The following SLC44A5 variants were observed in gnomAD, a reference collection of about 807,000 sequenced individuals.
SLC44A5 encodes choline transporter-like protein 5.
A neutral mutation model predicts 101.8 loss-of-function variants in SLC44A5; 57 were observed. The ratio of observed to expected loss-of-function variants is 0.56; its 90% confidence interval spans 0.45 to 0.70. SLC44A5 has a LOEUF of 0.70. Among genes scored for constraint, SLC44A5 ranks in the 30% least tolerant of loss-of-function variants. SLC44A5 has a pLI of 0.00. For missense variants in SLC44A5, 737 were observed against 853.1 expected (o/e 0.86, Z 1.70); for synonymous variants, 281 against 290.9 (o/e 0.97, Z 0.35).
chr1:75,476,443 C>T (rs568126828), intron 2 of SLC44A5, among the ~76,000 whole-genome samples: 6 of 152,300 alleles, frequency 3.9e-5, no homozygotes, highest in African/African-American at 1.4e-4. Context: ...CGAAGCAGGG[C>T]GAGGCATTGC....
rs74091155 is a variant in SLC44A5, at chr1:75,400,697, T to C, written c.14-4076A>G. Among the ~76,000 whole-genome samples, 1,506 of 152,286 alleles carry C rather than the reference T, an allele frequency of 9.9e-3. 28 individuals are homozygous for C. Among genetic ancestry groups the C allele is most frequent in the African/African-American group, 0.034 (1,415 of 41,558 alleles). On this transcript the variant is annotated intron_variant, in intron 2 of 23. Coordinates refer to ENST00000370859, the MANE Select transcript of SLC44A5 (RefSeq NM_001130058.2). ...TGCTTTGCCCAGGGCTCCATTCCCCTTTCCTGAGCCCACCTGCTTGGCTTT... is the reference window on the plus strand; with the variant it reads ...TGCTTTGCCCAGGGCTCCATTCCCCCTTCCTGAGCCCACCTGCTTGGCTTT...
the SLC44A5 span, among the ~76,000 whole-genome samples, chr1:75,653,736 A>T: frequency 1.3e-5 from 2 of 152,210 alleles, no homozygotes; most frequent in Non-Finnish European, 2.9e-5. Context: ...AGAGAAAAAG[A>T]TATTGGTTAT....
chr1:75,699,802 T>G, the SLC44A5 span, among the ~76,000 whole-genome samples: 1 of 151,938 alleles, frequency 6.6e-6, no homozygotes, highest in South Asian at 2.1e-4. Flanking sequence ...AATAAAGAGA[T>G]GGAGGAAGAT....
At chr1:75,254,057 A>G (rs1323217651) in intron 6 of SLC44A5, among the ~76,000 whole-genome samples, 3 of 148,282 alleles carry the variant, frequency 2.0e-5, no homozygotes, top group Admixed American at 6.7e-5. Context: ...TTTTTTTTTT[A>G]GACGGTTTCT....
chr1:75,213,648 C>T (rs1646902504), intron 22 of SLC44A5, 57 bp downstream of exon 22: 10 of 1,216,712 alleles, frequency 8.2e-6, no homozygotes, highest in Non-Finnish European at 1.2e-5. Context: ...TTTAAGTCAT[C>T]CAGTCTATAG....
intron 3 of SLC44A5, among the ~76,000 whole-genome samples, chr1:75,360,359 G>C (rs1659399322): frequency 6.6e-6 from 1 of 151,896 alleles, no homozygotes; most frequent in South Asian, 2.1e-4. Flanking sequence ...TTCATAGACG[G>C]GGGTCTCACT....
At chr1:75,504,818 T>C (rs1303949421) in intron 2 of SLC44A5, among the ~76,000 whole-genome samples, 1 of 152,128 alleles carries the variant, frequency 6.6e-6, no homozygotes, top group African/African-American at 2.4e-5. Flanking sequence ...AGTTTGTCAG[T>C]GTAAATAATT....
chr1:75,579,875 G>A (rs1673584930), intron 1 of SLC44A5, among the ~76,000 whole-genome samples: 1 of 141,514 alleles, frequency 7.1e-6, no homozygotes, highest in African/African-American at 2.6e-5. Context: ...CTGCCAACCA[G>A]GAGATTTTTT....
intron 5 of SLC44A5, among the ~76,000 whole-genome samples, chr1:75,293,292 C>T (rs772472879): frequency 3.9e-4 from 60 of 152,290 alleles, no homozygotes; most frequent in Middle Eastern, 3.4e-3. Flanking sequence ...AAAGCATGTT[C>T]TTGTTGTGCT....
the SLC44A5 span, among the ~76,000 whole-genome samples, chr1:75,717,235 G>A: frequency 6.6e-6 from 1 of 151,480 alleles, no homozygotes; most frequent in East Asian, 1.9e-4. Flanking sequence ...CAGCTACTCC[G>A]TAGGCTGAGG....
the SLC44A5 span, among the ~76,000 whole-genome samples, chr1:75,685,662 G>C: frequency 2.0e-5 from 3 of 152,110 alleles, no homozygotes; most frequent in African/African-American, 4.8e-5. Flanking sequence ...TGTCTTCTGA[G>C]CCCTTCGAGT....
At chr1:75,491,970 G>A (rs1668449692) in intron 2 of SLC44A5, among the ~76,000 whole-genome samples, 1 of 152,126 alleles carries the variant, frequency 6.6e-6, no homozygotes, top group South Asian at 2.1e-4. Context: ...GATACCTTGA[G>A]AAGCAGTGGA....
chr1:75,485,283 A>G (rs186563453), intron 2 of SLC44A5, among the ~76,000 whole-genome samples: 1 of 152,264 alleles, frequency 6.6e-6, no homozygotes, highest in East Asian at 1.9e-4. Context: ...TGTATGCTTC[A>G]GAAAAAGCTG....
chr1:75,594,824 T>C (rs1674546838), intron 1 of SLC44A5, among the ~76,000 whole-genome samples: 1 of 151,980 alleles, frequency 6.6e-6, no homozygotes, highest in African/African-American at 2.4e-5. Context: ...AAACTAACAA[T>C]GTTAACCAGT....
upstream of SLC44A5, among the ~76,000 whole-genome samples, chr1:75,613,313 C>T (rs1057231943): frequency 6.6e-6 from 1 of 152,238 alleles, no homozygotes; most frequent in Non-Finnish European, 1.5e-5. Context: ...TCCTACCAGG[C>T]AGTCCCAGTT....
At chr1:75,236,464 C>T (rs1183977870) in intron 11 of SLC44A5, among the ~76,000 whole-genome samples, 1 of 151,960 alleles carries the variant, frequency 6.6e-6, no homozygotes, top group African/African-American at 2.4e-5. Context: ...GTTATCTATA[C>T]ATATATATTT....
At chr1:75,494,313 A>C (rs1188853810) in intron 2 of SLC44A5, among the ~76,000 whole-genome samples, 1 of 152,148 alleles carries the variant, frequency 6.6e-6, no homozygotes, top group African/African-American at 2.4e-5. Context: ...ATTGACTGAG[A>C]CATTACCCCC....
At chr1:75,677,850 C>G in the SLC44A5 span, 1 of 370,196 alleles carries the variant, frequency 2.7e-6, no homozygotes, top group African/African-American at 2.2e-5. Context: ...ATCTGAGGTA[C>G]CGGGTTCATC....
At chr1:75,569,938 G>T (rs1337580981) in intron 1 of SLC44A5, among the ~76,000 whole-genome samples, 16 of 152,164 alleles carry the variant, frequency 1.1e-4, no homozygotes, top group Non-Finnish European at 2.4e-4. Flanking sequence ...TTCAATAAAG[G>T]GCTCACTATC....
Sources: gnomAD v4.1 joint callset for allele counts (sites outside exome capture counted in the v4.1 genomes callset) on GRCh38, gnomAD v4.1.1 for gene constraint, MANE v1.5 for transcripts, NCBI Gene and HGNC (gene_info 2026-07-23, HGNC 2026-07-21) for gene names.